EPHA3: variants seen among roughly 807,000 people sequenced by gnomAD.
EPHA3 encodes EPH receptor A3.
A neutral mutation model predicts 107.1 loss-of-function variants in EPHA3; 42 were observed. That is an observed-to-expected ratio of 0.39 (90% CI 0.31 to 0.51). EPHA3 has a LOEUF of 0.51. Among genes scored for constraint, EPHA3 ranks in the 20% least tolerant of loss-of-function variants. The probability of loss-of-function intolerance (pLI) is 0.78; values close to 1 mark genes in which losing one functional copy is unlikely to be tolerated. For synonymous variants in EPHA3, 461 were observed against 424.8 expected, an observed-to-expected ratio of 1.09 and a Z score of -1.05; for missense variants, 1,183 against 1,211.2, an observed-to-expected ratio of 0.98 and a Z score of 0.35.
intron 16 of EPHA3, among the ~76,000 whole-genome samples, chr3:89,476,653 G>T (rs1266151565): frequency 6.7e-6 from 1 of 148,526 alleles, no homozygotes; most frequent in Admixed American, 6.8e-5. Context: ...TGTCGCCCAG[G>T]CTGGAGTGCA....
intron 3 of EPHA3, among the ~76,000 whole-genome samples, chr3:89,296,410 G>A (rs1654557722): frequency 6.6e-6 from 1 of 152,154 alleles, no homozygotes; most frequent in South Asian, 2.1e-4. Flanking sequence ...ATCTTTGTAT[G>A]TACATCTTCC....
At chr3:89,131,199 T>C in intron 2 of EPHA3, among the ~76,000 whole-genome samples, 1 of 152,168 alleles carries the variant, frequency 6.6e-6, no homozygotes, top group East Asian at 1.9e-4. Flanking sequence ...TGGCATTATA[T>C]TTGGTGACTT....
Position 89,440,881 on chromosome 3 carries a change from C to G in EPHA3, c.2347-8344C>G, listed in dbSNP as rs553982297. 9.9e-5 allele frequency among the ~76,000 whole-genome samples: 15 copies of G among 152,226 alleles called. No homozygotes were observed. In the East Asian group the frequency reaches 2.7e-3, roughly 27 times the overall value. On this transcript the variant is annotated intron_variant, in intron 13 of 16. Transcript: ENST00000336596. Reference sequence around the variant, plus strand: ...ACCCATGTGGATATGCAATTTATTCCAAAGTTAGTCTTTCTTTAAGAGTCC... The same window carrying G: ...ACCCATGTGGATATGCAATTTATTCGAAAGTTAGTCTTTCTTTAAGAGTCC...
intron 3 of EPHA3, among the ~76,000 whole-genome samples, chr3:89,263,431 G>T (rs1490402440): frequency 1.3e-5 from 2 of 152,166 alleles, no homozygotes; most frequent in Non-Finnish European, 2.9e-5. Context: ...CTCTTGTACA[G>T]CATCCATGAA....
intron 3 of EPHA3, among the ~76,000 whole-genome samples, chr3:89,292,894 C>T (rs1486690096): frequency 6.6e-6 from 1 of 152,156 alleles, no homozygotes; most frequent in Non-Finnish European, 1.5e-5. Flanking sequence ...AATCATGTGA[C>T]TTTTACACTT....
At chr3:89,174,558 G>C (rs1394015881) in intron 2 of EPHA3, among the ~76,000 whole-genome samples, 4 of 151,480 alleles carry the variant, frequency 2.6e-5, no homozygotes, top group Non-Finnish European at 4.4e-5. Flanking sequence ...ATTGCAGAGA[G>C]TATATTTACC....
At chr3:89,336,519 G>A (rs560703006) in intron 3 of EPHA3, among the ~76,000 whole-genome samples, 10 of 152,272 alleles carry the variant, frequency 6.6e-5, no homozygotes, top group Non-Finnish European at 1.2e-4. Context: ...TACATTTATA[G>A]AGATTGTTTC....
intron 2 of EPHA3, among the ~76,000 whole-genome samples, chr3:89,150,543 G>T (rs1704669663): frequency 6.6e-6 from 1 of 151,938 alleles, no homozygotes; most frequent in African/African-American, 2.4e-5. Flanking sequence ...ATGACCAATA[G>T]TGATTTCTAG....
At chr3:89,369,420 A>T (rs964008250) in intron 5 of EPHA3, among the ~76,000 whole-genome samples, 3 of 150,746 alleles carry the variant, frequency 2.0e-5, no homozygotes, top group African/African-American at 7.3e-5. Flanking sequence ...TATTTAATAA[A>T]TGGTGCTGGG....
chr3:89,163,218 T>C (rs1704987375), intron 2 of EPHA3, among the ~76,000 whole-genome samples: 2 of 152,158 alleles, frequency 1.3e-5, no homozygotes, highest in African/African-American at 4.8e-5. Flanking sequence ...TGGAGGATAG[T>C]GTACAGATTA....
intron 15 of EPHA3, among the ~76,000 whole-genome samples, chr3:89,453,934 C>A (rs1410147027): frequency 6.6e-6 from 1 of 152,112 alleles, no homozygotes; most frequent in Admixed American, 6.6e-5. Flanking sequence ...ATCCTCTACT[C>A]TTCCTCTCTC....
At position 89,435,076 on chromosome 3, in the gene EPHA3, GA is replaced by G. The variant is rs1330832352; in HGVS notation, c.2346+3718del. ...AGGTATGGTTATGAAGTAATAAGAA[GA>G]CTTCAATTTTTTAAAAAAACAAATA... is the stretch of plus-strand genomic sequence containing the variant. On this transcript the variant is annotated intron_variant, in intron 13 of 16. Coordinates refer to ENST00000336596, the MANE Select transcript of EPHA3 (RefSeq NM_005233.6). Among the ~76,000 whole-genome samples, 24 of 149,844 alleles carry G rather than the reference GA, an allele frequency of 1.6e-4. 1 individual carries two copies. Among genetic ancestry groups the G allele is most frequent in the Non-Finnish European group, 2.9e-5 (2 of 67,994 alleles).
intron 3 of EPHA3, among the ~76,000 whole-genome samples, chr3:89,221,156 C>T (rs1041779571): frequency 1.3e-5 from 2 of 151,308 alleles, no homozygotes; most frequent in Non-Finnish European, 2.9e-5. Context: ...GCTCATCAGC[C>T]TGCTTTACCA....
At chr3:89,148,686 A>T (rs760335653) in intron 2 of EPHA3, among the ~76,000 whole-genome samples, 9 of 152,010 alleles carry the variant, frequency 5.9e-5, no homozygotes, top group Non-Finnish European at 7.4e-5. Flanking sequence ...ATATTCCTTG[A>T]TGATGAATTA....
At chr3:89,202,526 AAAAAAAAAATAT>A (rs1485912982) in intron 2 of EPHA3, among the ~76,000 whole-genome samples, 43 of 82,134 alleles carry the variant, frequency 5.2e-4, no homozygotes, top group East Asian at 1.8e-3. Flanking sequence ...AAAAAAAAAA[AAAAAAAAAATAT>A]ATATATATAT....
At chr3:89,182,485 C>T (rs2107122079) in intron 2 of EPHA3, among the ~76,000 whole-genome samples, 1 of 151,916 alleles carries the variant, frequency 6.6e-6, no homozygotes, top group Admixed American at 6.6e-5. Context: ...AATTGATTTT[C>T]CGTATAGTAC....
rs1449635554 is a variant in EPHA3, at chr3:89,269,667, A to G, written c.814+59147A>G. Among the ~76,000 whole-genome samples, 5 of 150,212 alleles carry G rather than the reference A, an allele frequency of 3.3e-5. No individual in the cohort carries two copies. The East Asian group carries it at 1.0e-3, about 30-fold the overall frequency. ...TGTGCACATTGTGCAGGTTAGTTAC[A>G]CATGTATACATGTGCCATGCTGGTG... On this transcript the variant is annotated intron_variant, in intron 3 of 16. Coordinates refer to ENST00000336596, the MANE Select transcript of EPHA3 (RefSeq NM_005233.6).
At chr3:89,360,866 A>C (rs1708077711) in intron 5 of EPHA3, among the ~76,000 whole-genome samples, 1 of 151,042 alleles carries the variant, frequency 6.6e-6, no homozygotes, top group Non-Finnish European at 1.5e-5. Context: ...TTCACTTCTC[A>C]TGTATTATTT....
At chr3:89,335,255 C>T (rs114289501) in intron 3 of EPHA3, among the ~76,000 whole-genome samples, 2,466 of 152,164 alleles carry the variant, frequency 0.016, 56 homozygotes, top group African/African-American at 0.056. Context: ...GACTTATTTC[C>T]GGGTTCATAG....
Sources: allele counts gnomAD v4.1 joint callset (sites outside exome capture counted in the v4.1 genomes callset), GRCh38; gene constraint gnomAD v4.1.1; transcripts MANE v1.5; gene names NCBI Gene and HGNC (gene_info 2026-07-23, HGNC 2026-07-21).